Variants in PRKG2 observed in about 807,000 individuals in gnomAD.
The protein encoded by PRKG2 is cGMP-dependent protein kinase 2.
In PRKG2, 33 loss-of-function variants were observed where a neutral mutation model predicts 97.2. The observed-to-expected ratio is 0.34, with a 90% CI of 0.26 to 0.45. The LOEUF (loss-of-function observed/expected upper bound fraction) is 0.45, where lower values mean the gene tolerates loss of function less well. Among genes scored for constraint, PRKG2 ranks in the 20% least tolerant of loss-of-function variants. PRKG2 has a pLI of 1.00. For synonymous variants in PRKG2, 330 were observed against 321.8 expected (o/e 1.03, Z -0.27); for missense variants, 638 against 900.0 (o/e 0.71, Z 3.73).
intron 6 of PRKG2, among the ~76,000 whole-genome samples, chr4:81,157,107 C>T (rs1378866433): frequency 6.6e-6 from 1 of 151,942 alleles, no homozygotes; most frequent in Non-Finnish European, 1.5e-5. Context: ...AATAGAGATA[C>T]AAAAAACCCT....
At chr4:81,202,151 T>C (rs1447969504) in intron 2 of PRKG2, among the ~76,000 whole-genome samples, 1 of 152,212 alleles carries the variant, frequency 6.6e-6, no homozygotes, top group African/African-American at 2.4e-5. Context: ...ATGCTCTAAC[T>C]TCTGGAAAAT....
intron 14 of PRKG2, among the ~76,000 whole-genome samples, chr4:81,123,760 A>G (rs963251404): frequency 2.0e-5 from 3 of 152,124 alleles, no homozygotes; most frequent in African/African-American, 7.2e-5. Context: ...AGTTAAGTCC[A>G]TTTACATATA....
At chr4:81,119,998 A>G (rs1194374072) in intron 14 of PRKG2, among the ~76,000 whole-genome samples, 2 of 152,240 alleles carry the variant, frequency 1.3e-5, no homozygotes, top group Non-Finnish European at 2.9e-5. Context: ...ATACTGTTAA[A>G]GAGAACTAAA....
intron 4 of PRKG2, among the ~76,000 whole-genome samples, chr4:81,170,064 C>T (rs1750327065): frequency 2.0e-5 from 3 of 151,998 alleles, no homozygotes; most frequent in Admixed American, 2.0e-4. Flanking sequence ...TGCACTAGAT[C>T]ATCAGGATGT....
At chr4:81,168,217 C>T (rs1198427924) in intron 5 of PRKG2, among the ~76,000 whole-genome samples, 2 of 151,998 alleles carry the variant, frequency 1.3e-5, no homozygotes, top group African/African-American at 4.8e-5. Context: ...CTGTTATAAA[C>T]CTAGCACCTT....
chr4:81,144,337 AG>A lies in PRKG2; in HGVS notation c.1155-8del. 6.3e-7 allele frequency: 1 copy of A among 1,593,004 alleles called. No homozygotes were observed. The highest frequency in any genetic ancestry group is 8.6e-7 in the Non-Finnish European group (1 of 1,161,760). ...GACAGTTTGGTTGAATGTTCTAAAT[AG>A]ATAGAATAAAGTAAAATGCTCCGTG... is the stretch of plus-strand genomic sequence containing the variant. On this transcript the variant is annotated splice_region_variant and splice_polypyrimidine_tract_variant and intron_variant, in intron 9 of 18. Transcript: ENST00000264399.
intron 9 of PRKG2, among the ~76,000 whole-genome samples, chr4:81,145,562 T>C (rs1747779947): frequency 6.6e-6 from 1 of 152,140 alleles, no homozygotes; most frequent in South Asian, 2.1e-4. Context: ...CCTGATCTAA[T>C]CACTCTGTCT....
intron 14 of PRKG2, among the ~76,000 whole-genome samples, chr4:81,124,605 G>A (rs1745377345): frequency 6.6e-6 from 1 of 152,144 alleles, no homozygotes; most frequent in South Asian, 2.1e-4. Flanking sequence ...CCCACCTGGA[G>A]AAGAATTAAG....
chr4:81,154,331 A>G (rs1748760044), intron 6 of PRKG2: 1 of 152,364 alleles, frequency 6.6e-6, no homozygotes, highest in South Asian at 2.1e-4. Context: ...ACAGACAAAC[A>G]AAAAGACAGC....
At chr4:81,171,829 A>G in intron 3 of PRKG2, 25 bp from the exon 4 acceptor site, 1 of 1,499,436 alleles carries the variant, frequency 6.7e-7, no homozygotes, top group South Asian at 1.2e-5. Flanking sequence ...TTTAAAAAAC[A>G]CACACACAAA....
At chr4:81,159,278 C>T (rs1183435743) in intron 6 of PRKG2, among the ~76,000 whole-genome samples, 1 of 152,024 alleles carries the variant, frequency 6.6e-6, no homozygotes, top group African/African-American at 2.4e-5. Context: ...AAAAAACAAC[C>T]CCATCAAAAA....
intron 14 of PRKG2, among the ~76,000 whole-genome samples, chr4:81,117,981 G>A (rs1744716465): frequency 6.6e-6 from 1 of 152,098 alleles, no homozygotes; most frequent in Non-Finnish European, 1.5e-5. Context: ...AATCCTCTGT[G>A]TCCTGCCTAT....
chr4:81,158,086 T>C (rs1002403797), intron 6 of PRKG2, among the ~76,000 whole-genome samples: 20 of 147,538 alleles, frequency 1.4e-4, no homozygotes, highest in Admixed American at 2.0e-4. Flanking sequence ...CCAGGGCAAT[T>C]AGGCAGGAGA....
intron 15 of PRKG2, among the ~76,000 whole-genome samples, chr4:81,108,434 A>G (rs1743569208): frequency 6.6e-6 from 1 of 151,014 alleles, no homozygotes; most frequent in African/African-American, 2.4e-5. Flanking sequence ...AACCAAAAAC[A>G]TTGTTATGAT....
intron 14 of PRKG2, among the ~76,000 whole-genome samples, chr4:81,120,611 T>C (rs928221413): frequency 2.6e-5 from 4 of 152,214 alleles, no homozygotes; most frequent in African/African-American, 2.4e-5. Context: ...TGCTAGTATA[T>C]AGGAAAGTGA....
chr4:81,158,060 G>A (rs1221553196), intron 6 of PRKG2, among the ~76,000 whole-genome samples: 1 of 148,944 alleles, frequency 6.7e-6, no homozygotes, highest in Admixed American at 6.6e-5. Flanking sequence ...ATTCAACATA[G>A]TGTTGGAAGT....
At chr4:81,160,447 C>A (rs541888261) in intron 6 of PRKG2, among the ~76,000 whole-genome samples, 2 of 152,224 alleles carry the variant, frequency 1.3e-5, no homozygotes, top group Admixed American at 1.3e-4. Context: ...CCAGCTTTCA[C>A]CTGCATAATC....
intron 9 of PRKG2, among the ~76,000 whole-genome samples, chr4:81,144,838 A>G (rs1747699055): frequency 7.3e-6 from 1 of 137,044 alleles, no homozygotes; most frequent in African/African-American, 2.8e-5. Context: ...GTTCCCACCT[A>G]TGAGTGAGAA....
intron 17 of PRKG2, among the ~76,000 whole-genome samples, chr4:81,094,410 ATTTGTTTG>A (rs752238734): frequency 6.6e-6 from 1 of 152,282 alleles, no homozygotes; most frequent in East Asian, 1.9e-4. Flanking sequence ...TTTAGAAGAA[ATTTGTTTG>A]TTTGTTTGTT....
Sources: gnomAD v4.1 joint callset for allele counts (sites outside exome capture counted in the v4.1 genomes callset) on GRCh38, gnomAD v4.1.1 for gene constraint, MANE v1.5 for transcripts, NCBI Gene and HGNC (gene_info 2026-07-23, HGNC 2026-07-21) for gene names.